Variants in LRRC37A2 observed in about 807,000 individuals in gnomAD.
LRRC37A2 encodes the protein leucine rich repeat containing 37 member A2.
In LRRC37A2, 9 loss-of-function variants were observed where a neutral mutation model predicts 68.8. The ratio of observed to expected loss-of-function variants is 0.13; its 90% confidence interval spans 0.08 to 0.23. The LOEUF is 0.23. Among genes scored for constraint, LRRC37A2 ranks in the 10% least tolerant of loss-of-function variants. The pLI is 1.00. For synonymous variants in LRRC37A2, 63 were observed against 367.6 expected, an observed-to-expected ratio of 0.17 and a Z score of 9.48; for missense variants, 168 against 950.4, an observed-to-expected ratio of 0.18 and a Z score of 10.82.
the LRRC37A2 span, among the ~76,000 whole-genome samples, chr17:47,044,665 C>T: frequency 6.6e-6 from 1 of 151,710 alleles, no homozygotes; most frequent in Admixed American, 6.6e-5. Context: ...GTTTCCCAGC[C>T]ATTCTAAGGC....
the LRRC37A2 span, among the ~76,000 whole-genome samples, chr17:46,979,588 C>T: frequency 6.6e-6 from 1 of 152,152 alleles, no homozygotes; most frequent in Admixed American, 6.5e-5. Context: ...CCCTCGTAAG[C>T]CTTGCTAGAC....
At chr17:46,839,957 T>TTTCTC in the LRRC37A2 span, among the ~76,000 whole-genome samples, 7 of 142,280 alleles carry the variant, frequency 4.9e-5, no homozygotes, top group African/African-American at 1.5e-4. Flanking sequence ...TCTTTCTTTC[T>TTTCTC]TTCTTTCTTT....
the LRRC37A2 span, among the ~76,000 whole-genome samples, chr17:46,717,860 G>A: frequency 6.6e-6 from 1 of 152,214 alleles, no homozygotes; most frequent in Non-Finnish European, 1.5e-5. Context: ...GAGCATGATG[G>A]AAAGCTGACC....
chr17:47,009,727 G>A, the LRRC37A2 span, among the ~76,000 whole-genome samples: 13 of 152,218 alleles, frequency 8.5e-5, no homozygotes, highest in Admixed American at 3.9e-4. Context: ...CCTGTCCCAG[G>A]GCGCCATGTG....
chr17:46,848,122 G>C, the LRRC37A2 span, among the ~76,000 whole-genome samples: 2 of 152,084 alleles, frequency 1.3e-5, no homozygotes, highest in African/African-American at 4.8e-5. Flanking sequence ...ATACCTGTGT[G>C]AACGTGTGGA....
At chr17:47,004,154 T>A in the LRRC37A2 span, among the ~76,000 whole-genome samples, 1 of 152,336 alleles carries the variant, frequency 6.6e-6, no homozygotes, top group South Asian at 2.1e-4. Context: ...AAGTCTTTGC[T>A]ATTGTGAATA....
At chr17:46,991,438 C>A in the LRRC37A2 span, among the ~76,000 whole-genome samples, 4 of 151,946 alleles carry the variant, frequency 2.6e-5, no homozygotes, top group Non-Finnish European at 4.4e-5. Flanking sequence ...ACCAGCCTGG[C>A]CAACATGGTG....
the LRRC37A2 span, among the ~76,000 whole-genome samples, chr17:46,840,687 CG>C: frequency 6.6e-6 from 1 of 152,158 alleles, no homozygotes; most frequent in African/African-American, 2.4e-5. Flanking sequence ...TTTTAATGGT[CG>C]CCATTCTAAC....
chr17:46,631,084 A>ACACACACACACACG, the LRRC37A2 span, among the ~76,000 whole-genome samples: 7 of 145,672 alleles, frequency 4.8e-5, no homozygotes, highest in East Asian at 4.0e-4. Flanking sequence ...ACACACACAC[A>ACACACACACACACG]CACACACACA....
chr17:46,775,478 T>C, the LRRC37A2 span, among the ~76,000 whole-genome samples: 1 of 152,176 alleles, frequency 6.6e-6, no homozygotes, highest in African/African-American at 2.4e-5. Context: ...GTTCTCCTTT[T>C]TCCATTTGTT....
the LRRC37A2 span, chr17:46,773,633 CAGCCCCT>C: frequency 1.0e-4 from 63 of 628,074 alleles, no homozygotes; most frequent in South Asian, 2.1e-4. Context: ...TCCCCCCACC[CAGCCCCT>C]CCCCCCCCCT....
chr17:46,534,390 GTGATGACTCTTAACGAGCA>G lies in LRRC37A2; in HGVS notation c.2907-5783_2907-5765del, dbSNP rs1156278426. On this transcript the variant is annotated intron_variant, in intron 6 of 14. Coordinates refer to ENST00000576629, the Ensembl canonical transcript of LRRC37A2. Reference sequence around the variant, plus strand: ...CCTGGGTACTTGAGATTAGGGAGTGGTGATGACTCTTAACGAGCATGCTGCTTTCAAGCATCTGTTTAAC... The same window carrying G: ...CCTGGGTACTTGAGATTAGGGAGTGGTGCTGCTTTCAAGCATCTGTTTAAC... Among the ~76,000 whole-genome samples, 3 of 146,552 alleles carry G rather than the reference GTGATGACTCTTAACGAGCA, an allele frequency of 2.0e-5. 1 individual carries two copies. Among genetic ancestry groups the G allele is most frequent in the African/African-American group, 7.9e-5 (3 of 38,044 alleles).
At chr17:46,750,809 A>G in the LRRC37A2 span, among the ~76,000 whole-genome samples, 13 of 152,088 alleles carry the variant, frequency 8.5e-5, no homozygotes, top group Non-Finnish European at 2.9e-5. Context: ...CTTGCATTTA[A>G]TAAGTTGGAA....
chr17:46,956,024 C>T, the LRRC37A2 span, among the ~76,000 whole-genome samples: 1 of 152,166 alleles, frequency 6.6e-6, no homozygotes. Flanking sequence ...CCCCATGGAG[C>T]CTCCTTGGCA....
At chr17:46,874,930 C>A in the LRRC37A2 span, 1 of 1,018,222 alleles carries the variant, frequency 9.8e-7, no homozygotes, top group Non-Finnish European at 1.5e-6. Context: ...GGGCAGTTGA[C>A]AGGGAGACCC....
At chr17:46,610,041 C>CTCTCTCTT in the LRRC37A2 span, among the ~76,000 whole-genome samples, 691 of 118,538 alleles carry the variant, frequency 5.8e-3, 18 homozygotes, top group African/African-American at 9.9e-3. Context: ...CTCTCTCTCT[C>CTCTCTCTT]TCTTTCTTTC....
At chr17:46,723,542 T>C in the LRRC37A2 span, among the ~76,000 whole-genome samples, 1 of 152,208 alleles carries the variant, frequency 6.6e-6, no homozygotes, top group Non-Finnish European at 1.5e-5. Flanking sequence ...CATTTTCTCT[T>C]TTTCTGTGTT....
At chr17:46,777,472 G>A in the LRRC37A2 span, among the ~76,000 whole-genome samples, 1 of 152,232 alleles carries the variant, frequency 6.6e-6, no homozygotes, top group Non-Finnish European at 1.5e-5. Context: ...CTGCCTGCAT[G>A]GCTTGATTGG....
chr17:46,810,004 C>CTTT, the LRRC37A2 span, among the ~76,000 whole-genome samples: 484 of 126,346 alleles, frequency 3.8e-3, 9 homozygotes, highest in African/African-American at 0.013. Context: ...TTCTTTCTTT[C>CTTT]TTTTTTTTTT....
Sources: allele counts gnomAD v4.1 joint callset (sites outside exome capture counted in the v4.1 genomes callset), GRCh38; gene constraint gnomAD v4.1.1; transcripts MANE v1.5; gene names NCBI Gene and HGNC (gene_info 2026-07-23, HGNC 2026-07-21).